Variants in ZFHX3 observed in about 807,000 individuals in gnomAD.
ZFHX3 encodes zinc finger homeobox 3.
ZFHX3 carries 42 observed loss-of-function variants against 279.1 expected under a neutral mutation model. That is an observed-to-expected ratio of 0.15 (90% CI 0.12 to 0.19). ZFHX3 has a LOEUF of 0.19. ZFHX3 is among the 10% of genes least tolerant of loss of function. The probability of loss-of-function intolerance (pLI) is 1.00; values close to 1 mark genes in which losing one functional copy is unlikely to be tolerated. For missense variants in ZFHX3, 4,981 were observed against 4,754.0 expected, an observed-to-expected ratio of 1.05 and a Z score of -1.40; for synonymous variants, 2,293 against 1,957.8, an observed-to-expected ratio of 1.17 and a Z score of -4.52.
intron 1 of ZFHX3, among the ~76,000 whole-genome samples, chr16:73,712,196 C>T (rs1457780446): frequency 1.3e-5 from 2 of 152,098 alleles, no homozygotes; most frequent in Non-Finnish European, 2.9e-5. Flanking sequence ...TGAGGTTGAG[C>T]TTGTGCTCAA....
At chr16:72,838,592 T>C (rs1480570023) in intron 4 of ZFHX3, among the ~76,000 whole-genome samples, 1 of 151,838 alleles carries the variant, frequency 6.6e-6, no homozygotes, top group Non-Finnish European at 1.5e-5. Flanking sequence ...AAGTGAAAAA[T>C]GCTGCCGTTG....
At chr16:73,636,624 G>T (rs1376998437) in intron 2 of ZFHX3, among the ~76,000 whole-genome samples, 5 of 151,594 alleles carry the variant, frequency 3.3e-5, no homozygotes, top group African/African-American at 1.2e-4. Flanking sequence ...GCAATAACCA[G>T]TTCAAAAAAA....
chr16:72,787,737 ACTG>A lies in ZFHX3; in HGVS notation c.10536_10538del (p.Ser3513del), dbSNP rs1429156408. The A allele has an allele frequency of 6.3e-5, 87 of 1,390,126 alleles. 1 individual carries two copies. The highest frequency in any genetic ancestry group is 7.5e-5 in the Non-Finnish European group (80 of 1,069,908). The allele number at this position is 1,390,126 out of a possible 1,614,324, so 86.1% of individuals were successfully genotyped here. A position where few individuals can be genotyped will look rare whatever the true frequency, so the allele number is the denominator to read the frequency against. On this transcript the variant is annotated inframe_deletion, in exon 10 of 10. Coordinates refer to ENST00000268489, the MANE Select transcript of ZFHX3 (RefSeq NM_006885.4). Reference sequence around the variant, plus strand: ...CGCCGCCACCGCCGCCGCCGCCGCCACTGCCACCGCCGCCGCCGCCGGTGGGGA... The same window carrying A: ...CGCCGCCACCGCCGCCGCCGCCGCCACCACCGCCGCCGCCGCCGGTGGGGA...
chr16:73,346,703 C>T (rs1250733751), intron 3 of ZFHX3, among the ~76,000 whole-genome samples: 1 of 152,110 alleles, frequency 6.6e-6, no homozygotes, highest in Non-Finnish European at 1.5e-5. Context: ...AACTCCTAAC[C>T]TCAACTGATC....
chr16:72,816,915 T>C (rs900544036), intron 5 of ZFHX3, among the ~76,000 whole-genome samples: 4 of 152,256 alleles, frequency 2.6e-5, no homozygotes, highest in African/African-American at 9.6e-5. Context: ...ATATTTGTTT[T>C]AGAAGTATTA....
At chr16:73,736,667 T>C (rs2053612555) in intron 1 of ZFHX3, among the ~76,000 whole-genome samples, 1 of 152,240 alleles carries the variant, frequency 6.6e-6, no homozygotes, top group African/African-American at 2.4e-5. Flanking sequence ...AAAGAGTCTC[T>C]GGCTCCCTTG....
chr16:73,782,325 G>A (rs765071042), intron 1 of ZFHX3, among the ~76,000 whole-genome samples: 20 of 152,176 alleles, frequency 1.3e-4, no homozygotes, highest in African/African-American at 4.3e-4. Flanking sequence ...GTCACAGAAC[G>A]CTTTGGAGAA....
At chr16:73,205,293 T>C (rs1045985239) in intron 5 of ZFHX3, among the ~76,000 whole-genome samples, 1 of 152,164 alleles carries the variant, frequency 6.6e-6, no homozygotes, top group Non-Finnish European at 1.5e-5. Flanking sequence ...AGTGCCACAG[T>C]GACAGATATG....
chr16:73,674,935 C>T (rs1289836113), intron 2 of ZFHX3, among the ~76,000 whole-genome samples: 1 of 152,112 alleles, frequency 6.6e-6, no homozygotes, highest in Admixed American at 6.5e-5. Context: ...AATTACTGGC[C>T]TACAGCACCA....
rs143190299 is a variant in ZFHX3, at chr16:73,868,834, C to T, written c.-1608+22817G>A. ...CTTGTCCTGCCATATTGCCAAGCTC[C>T]ATATTTTTATGTCAATACTCTGCAT... is the stretch of plus-strand genomic sequence containing the variant. On this transcript the variant is annotated intron_variant, in intron 1 of 17. Coordinates refer to the ZFHX3 transcript ENST00000641206. Among the ~76,000 whole-genome samples, 899 of 151,986 alleles carry T rather than the reference C, an allele frequency of 5.9e-3. 2 individuals are homozygous for T. Among genetic ancestry groups the T allele is most frequent in the Middle Eastern group, 0.01 (3 of 294 alleles).
rs1567505030 is a variant in ZFHX3, at chr16:72,787,429, G to A, written c.10847C>T (p.Ser3616Phe). ...SSASPHASRK[S>F]WPQVVSRASA... ...AGCCCGGGAGACCACTTGCGGCCAA[G>A]ACTTCCTGGAGGCGTGGGGGGAAGC... The change falls in exon 10 of 10, where the codon TCT (serine) becomes TTT (phenylalanine). Residue 3616 changes from serine to phenylalanine, a missense_variant. Coordinates refer to ENST00000268489, the MANE Select transcript of ZFHX3 (RefSeq NM_006885.4). 6.3e-7 allele frequency: 1 copy of A among 1,585,170 alleles called. No homozygotes were observed. Among genetic ancestry groups the A allele is most frequent in the Middle Eastern group, 1.7e-4 (1 of 5,942 alleles).
chr16:73,404,552 A>C (rs1402252414), intron 3 of ZFHX3, among the ~76,000 whole-genome samples: 1 of 152,204 alleles, frequency 6.6e-6, no homozygotes, highest in Non-Finnish European at 1.5e-5. Flanking sequence ...ATATATGAAG[A>C]TAGGCAGAGC....
intron 2 of ZFHX3, among the ~76,000 whole-genome samples, chr16:73,647,426 T>TC (rs1485157315): frequency 1.3e-5 from 2 of 152,072 alleles, no homozygotes; most frequent in African/African-American, 4.8e-5. Context: ...GATAGTGAGT[T>TC]CTCGTCAGAT....
rs529339656 is a variant in ZFHX3, at chr16:73,286,493, G to A, written c.-1193-29357C>T. ...TGTGTGGTTGGTGTACGGGAAGAGT[G>A]TTCCAGACCCCGGTCTCCTTGGTAA... On this transcript the variant is annotated intron_variant, in intron 4 of 17. Transcript: ENST00000641206. Among the ~76,000 whole-genome samples, 10 of 152,298 alleles carry A rather than the reference G, an allele frequency of 6.6e-5. No individual in the cohort carries two copies. In the South Asian group the frequency reaches 2.1e-3, roughly 32 times the overall value.
intron 3 of ZFHX3, among the ~76,000 whole-genome samples, chr16:73,329,016 T>C (rs998504014): frequency 1.3e-5 from 2 of 152,252 alleles, no homozygotes; most frequent in African/African-American, 4.8e-5. Flanking sequence ...TCTAGGACTG[T>C]TGGTCACAGG....
rs1567633191 is a variant in ZFHX3, at chr16:73,014,515, C to CTTTTTTTTTTTTTTTTTTTTTTTTTTT, written c.-50+33236_-50+33237insAAAAAAAAAAAAAAAAAAAAAAAAAAA. ...ACCAACAAGTTTGTGGTAATTTCTT[C>CTTTTTTTTTTTTTTTTTTTTTTTTTTT]TTCTTTTTTTTTTTTTTTTTTTTTT... On this transcript the variant is annotated intron_variant, in intron 1 of 9. Coordinates refer to ENST00000268489, the MANE Select transcript of ZFHX3 (RefSeq NM_006885.4). The CTTTTTTTTTTTTTTTTTTTTTTTTTTT allele has an allele frequency of 3.1e-5, 3 of 95,344 alleles. 1 individual carries two copies. Among genetic ancestry groups the CTTTTTTTTTTTTTTTTTTTTTTTTTTT allele is most frequent in the African/African-American group, 7.8e-5 (2 of 25,794 alleles). 5.9% of individuals were successfully genotyped at this position (95,344 alleles called of 1,614,324 possible). A position where few individuals can be genotyped will look rare whatever the true frequency, so the allele number is the denominator to read the frequency against.
chr16:73,710,991 C>A (rs556199979), intron 1 of ZFHX3, among the ~76,000 whole-genome samples: 4 of 152,296 alleles, frequency 2.6e-5, no homozygotes, highest in African/African-American at 4.8e-5. Flanking sequence ...TACTGCACAG[C>A]CTGGTCATTA....
chr16:72,984,042 G>A (rs1264958379), intron 1 of ZFHX3, among the ~76,000 whole-genome samples: 1 of 152,212 alleles, frequency 6.6e-6, no homozygotes, highest in African/African-American at 2.4e-5. Flanking sequence ...CCATGGGTGG[G>A]AATCTCATAC....
intron 4 of ZFHX3, among the ~76,000 whole-genome samples, chr16:73,289,148 T>C (rs542807674): frequency 6.6e-6 from 1 of 151,714 alleles, no homozygotes; most frequent in East Asian, 2.0e-4. Context: ...GGTCCTCCAA[T>C]CGCTGGCCTG....
Sources: allele counts gnomAD v4.1 joint callset (sites outside exome capture counted in the v4.1 genomes callset), GRCh38; gene constraint gnomAD v4.1.1; transcripts MANE v1.5; gene names NCBI Gene and HGNC (gene_info 2026-07-23, HGNC 2026-07-21).